The following MEI4 variants were observed in gnomAD, a reference collection of about 807,000 sequenced individuals.
MEI4 encodes meiosis-specific protein MEI4.
Under a neutral mutation model 31.4 loss-of-function variants are expected in MEI4, and 27 were observed. That is an observed-to-expected ratio of 0.86 (90% CI 0.63 to 1.19). MEI4 has a LOEUF of 1.19. MEI4 is among the 50% of genes most tolerant of loss of function. MEI4 has a pLI of 0.00. For synonymous variants in MEI4, 122 were observed against 145.4 expected (o/e 0.84, Z 1.16); for missense variants, 329 against 398.9 (o/e 0.82, Z 1.49).
chr6:77,700,946 AAAAC>A (rs1470245608), intron 2 of MEI4, among the ~76,000 whole-genome samples: 2 of 152,142 alleles, frequency 1.3e-5, no homozygotes, highest in Non-Finnish European at 2.9e-5. Context: ...GAAAGAATGA[AAAAC>A]AAAAGGAAAG....
intron 2 of MEI4, among the ~76,000 whole-genome samples, chr6:77,733,670 C>G (rs1262545825): frequency 2.6e-5 from 4 of 151,824 alleles, no homozygotes; most frequent in African/African-American, 4.9e-5. Flanking sequence ...CTTCTGCTAG[C>G]TTTTGAATAC....
At chr6:77,663,456 G>A (rs1249000494) in intron 1 of MEI4, among the ~76,000 whole-genome samples, 1 of 152,012 alleles carries the variant, frequency 6.6e-6, no homozygotes, top group Non-Finnish European at 1.5e-5. Flanking sequence ...GGGAAGAAGG[G>A]CGGCAATGAG....
chr6:77,754,082 A>G (rs992346184), intron 2 of MEI4, among the ~76,000 whole-genome samples: 21 of 151,962 alleles, frequency 1.4e-4, no homozygotes, highest in African/African-American at 4.8e-4. Context: ...GGGGAACATC[A>G]CACACCATGT....
intron 3 of MEI4, among the ~76,000 whole-genome samples, chr6:77,782,034 T>A (rs1228311626): frequency 2.0e-5 from 3 of 152,174 alleles, no homozygotes; most frequent in Non-Finnish European, 4.4e-5. Context: ...GACATTTTTG[T>A]CTGGGAAACA....
intron 3 of MEI4, among the ~76,000 whole-genome samples, chr6:77,812,398 G>T (rs1399572395): frequency 6.6e-6 from 1 of 152,068 alleles, no homozygotes; most frequent in Non-Finnish European, 1.5e-5. Flanking sequence ...TAGAGATGAT[G>T]ATGATGATGT....
chr6:77,839,413 G>A (rs1484557843), intron 4 of MEI4, among the ~76,000 whole-genome samples: 1 of 152,052 alleles, frequency 6.6e-6, no homozygotes, highest in African/African-American at 2.4e-5. Flanking sequence ...GCTATCTCTG[G>A]ACAACTCTCT....
chr6:77,922,527 C>G (rs542384506), intron 4 of MEI4, among the ~76,000 whole-genome samples: 1 of 151,750 alleles, frequency 6.6e-6, no homozygotes, highest in African/African-American at 2.4e-5. Flanking sequence ...CTTGACTTAT[C>G]TATCTCACAT....
intron 2 of MEI4, among the ~76,000 whole-genome samples, chr6:77,740,450 T>G (rs1199810128): frequency 1.3e-5 from 2 of 152,308 alleles, no homozygotes; most frequent in Middle Eastern, 3.4e-3. Context: ...AGCCTTTTCT[T>G]TGTCACCATT....
chr6:77,923,092 C>A lies in MEI4; in HGVS notation c.904C>A (p.Gln302Lys). The change falls in exon 5 of 5, where the codon CAA becomes AAA. Residue 302 changes from glutamine to lysine, a missense_variant. Transcript: ENST00000684080. ...ADDLGAINQE[Q>K]ASYDVSRYEN... ...GGAGTTTGTTGTTTATTTGTAGGAG[C>A]AAGCCAGTTATGATGTGTCACGCTA... 3 of 1,229,882 alleles carry A rather than the reference C, an allele frequency of 2.4e-6. No homozygotes were observed. Among genetic ancestry groups the A allele is most frequent in the Non-Finnish European group, 3.0e-6 (3 of 986,338 alleles). The allele number at this position is 1,229,882 out of a possible 1,614,324, so 76.2% of individuals were successfully genotyped here.
chr6:77,769,498 A>G lies in MEI4; in HGVS notation c.768+7833A>G, dbSNP rs778673484. ...CTTGGAGCCAGGGAACTTGGAGTGCATGGAACCTAGTGAGATACCAGCTGA... is the reference window on the plus strand; with the variant it reads ...CTTGGAGCCAGGGAACTTGGAGTGCGTGGAACCTAGTGAGATACCAGCTGA... On this transcript the variant is annotated intron_variant, in intron 3 of 4. Coordinates refer to ENST00000684080, the MANE Select transcript of MEI4 (RefSeq NM_001322247.2). Among the ~76,000 whole-genome samples the G allele has an allele frequency of 3.9e-5, 6 of 152,130 alleles. No individual in the cohort carries two copies. In the South Asian group the frequency reaches 6.2e-4, roughly 16 times the overall value.
At chr6:77,730,072 C>T (rs1253325655) in intron 2 of MEI4, among the ~76,000 whole-genome samples, 2 of 151,944 alleles carry the variant, frequency 1.3e-5, no homozygotes, top group Non-Finnish European at 2.9e-5. Flanking sequence ...CAGGCAAATT[C>T]TCTTGGAGAA....
intron 4 of MEI4, among the ~76,000 whole-genome samples, chr6:77,916,873 C>T (rs1234268613): frequency 1.3e-5 from 2 of 151,648 alleles, no homozygotes; most frequent in African/African-American, 4.8e-5. Context: ...CACCCACTAA[C>T]TCGTCATCTA....
At chr6:77,851,963 G>A (rs966944809) in intron 4 of MEI4, among the ~76,000 whole-genome samples, 18 of 151,968 alleles carry the variant, frequency 1.2e-4, no homozygotes, top group Admixed American at 4.6e-4. Context: ...TGAATTGAAC[G>A]CCTAAGTTCT....
intron 4 of MEI4, among the ~76,000 whole-genome samples, chr6:77,843,293 AT>A (rs903683060): frequency 2.0e-5 from 3 of 151,996 alleles, no homozygotes; most frequent in African/African-American, 7.2e-5. Flanking sequence ...TTTTAATTGC[AT>A]TTATTATTGA....
At chr6:77,746,384 T>G (rs1186235298) in intron 2 of MEI4, among the ~76,000 whole-genome samples, 3 of 152,118 alleles carry the variant, frequency 2.0e-5, no homozygotes, top group African/African-American at 7.2e-5. Context: ...AGCCCTGAGT[T>G]GAAACAAAAA....
chr6:77,666,857 CTG>C lies in MEI4; in HGVS notation c.-15+13790_-15+13791del, dbSNP rs754710415. Among the ~76,000 whole-genome samples, 943 of 148,080 alleles carry C rather than the reference CTG, an allele frequency of 6.4e-3. 2 individuals are homozygous for C. Among genetic ancestry groups the C allele is most frequent in the African/African-American group, 0.013 (516 of 39,936 alleles). On this transcript the variant is annotated intron_variant, in intron 1 of 4. Transcript: ENST00000684080. Reference sequence around the variant, plus strand: ...TTGGAGTTAATGTTTCTACATGCCTCTGTGTGTGTGTGTGTGTGTGTGTGTGC... The same window carrying C: ...TTGGAGTTAATGTTTCTACATGCCTCTGTGTGTGTGTGTGTGTGTGTGTGC...
intron 3 of MEI4, among the ~76,000 whole-genome samples, chr6:77,792,042 T>C (rs970830222): frequency 2.6e-5 from 4 of 152,168 alleles, no homozygotes; most frequent in African/African-American, 9.6e-5. Context: ...GATTATAGGG[T>C]ATTTGTCTTT....
intron 2 of MEI4, among the ~76,000 whole-genome samples, chr6:77,752,321 G>C (rs936338434): frequency 1.3e-5 from 2 of 152,180 alleles, no homozygotes; most frequent in African/African-American, 4.8e-5. Flanking sequence ...AAAAGAGGAA[G>C]TCAAATTGTC....
At chr6:77,857,517 C>A (rs1469538785) in intron 4 of MEI4, among the ~76,000 whole-genome samples, 2 of 152,126 alleles carry the variant, frequency 1.3e-5, no homozygotes, top group Non-Finnish European at 2.9e-5. Context: ...CACCTGTTGT[C>A]CCCCACCCCA....
Sources: allele counts gnomAD v4.1 joint callset (sites outside exome capture counted in the v4.1 genomes callset), GRCh38; gene constraint gnomAD v4.1.1; transcripts MANE v1.5; gene names NCBI Gene and HGNC (gene_info 2026-07-23, HGNC 2026-07-21).